CAPRIN1: variants seen among roughly 807,000 people sequenced by gnomAD.
CAPRIN1 encodes the protein cell cycle associated protein 1, also known as caprin-1.
CAPRIN1 carries 29 observed loss-of-function variants against 100.9 expected under a neutral mutation model. That is an observed-to-expected ratio of 0.29 (90% CI 0.21 to 0.39). The LOEUF (loss-of-function observed/expected upper bound fraction) is 0.39, where lower values mean the gene tolerates loss of function less well. CAPRIN1 is among the 10% of genes least tolerant of loss of function. CAPRIN1 has a pLI of 1.00. For synonymous variants in CAPRIN1, 338 were observed against 307.5 expected (o/e 1.10, Z -1.04); for missense variants, 795 against 876.7 (o/e 0.91, Z 1.18).
chr11:34,079,905 G>GCTTTTTTT (rs1850980473), intron 7 of CAPRIN1, 140 bp downstream of exon 7: 8 of 316,642 alleles, frequency 2.5e-5, no homozygotes, highest in African/African-American at 2.3e-4. Flanking sequence ...GCATGACAAA[G>GCTTTTTTT]TTTTTTTTTT....
rs1371223299 is a variant in CAPRIN1 at position 34,089,261 on chromosome 11, ACTCCCCC to A, written c.1232-132_1232-126del. 31 of 6,072 alleles carry A rather than the reference ACTCCCCC, an allele frequency of 5.1e-3. 6 individuals are homozygous for A. The highest frequency in any genetic ancestry group is 0.029 in the African/African-American group (5 of 172). The allele number at this position is 6,072 out of a possible 1,614,324, so 0.4% of individuals were successfully genotyped here. A position where few individuals can be genotyped will look rare whatever the true frequency, so the allele number is the denominator to read the frequency against. ...TCCAGCCTGGGTGACAGAGTGAGAC[ACTCCCCC>A]CCCCCCCCCCCCCGCAAAAAAAAAA... On this transcript the variant is annotated intron_variant, in intron 11 of 18. Coordinates refer to ENST00000341394, the MANE Select transcript of CAPRIN1 (RefSeq NM_005898.5).
intron 13 of CAPRIN1, 99 bp downstream of exon 13, chr11:34,090,388 C>A (rs187214204): frequency 8.0e-7 from 1 of 1,250,548 alleles, no homozygotes; most frequent in Non-Finnish European, 1.2e-6. Flanking sequence ...TCTTTTTGGA[C>A]CTACTTTGCT....
chr11:34,092,087 C>T, intron 15 of CAPRIN1, 31 bp downstream of exon 15: 2 of 1,606,478 alleles, frequency 1.2e-6, no homozygotes, highest in Admixed American at 1.7e-5. Context: ...TCATTGGCTC[C>T]TTGCTTTCCA....
chr11:34,087,587 C>CTA (rs1851173698), intron 11 of CAPRIN1, among the ~76,000 whole-genome samples: 1 of 122,690 alleles, frequency 8.2e-6, no homozygotes, highest in African/African-American at 3.4e-5. Context: ...CCCGCCTCGG[C>CTA]CTCCCAAAGT....
intron 2 of CAPRIN1, among the ~76,000 whole-genome samples, chr11:34,056,032 A>AGTATAAGTG (rs1850442960): frequency 6.6e-6 from 1 of 152,218 alleles, no homozygotes; most frequent in African/African-American, 2.4e-5. Context: ...ACTGTTTTTA[A>AGTATAAGTG]GTATAAGTGA....
chr11:34,090,446 T>A, intron 13 of CAPRIN1, 83 bp from the exon 14 acceptor site: 1 of 1,473,874 alleles, frequency 6.8e-7, no homozygotes, highest in Non-Finnish European at 9.4e-7. Flanking sequence ...TGAGATTAAT[T>A]TACCACTTTA....
intron 7 of CAPRIN1, among the ~76,000 whole-genome samples, 157 bp downstream of exon 7, chr11:34,079,922 T>G (rs889250703): frequency 0.076 from 267 of 3,524 alleles, 1 homozygote; most frequent in African/African-American, 0.13. Context: ...TTTTTTTTTT[T>G]TTTTTTTTTT....
At chr11:34,071,575 A>ATT (rs1850805331) in intron 2 of CAPRIN1, 151 bp from the exon 3 acceptor site, 46 of 576,078 alleles carry the variant, frequency 8.0e-5, no homozygotes, top group Middle Eastern at 9.5e-4. Context: ...AAAAAAAAAA[A>ATT]TTTATGTACT....
At chr11:34,076,736 GT>G (rs369382547) in intron 6 of CAPRIN1, 94 bp downstream of exon 6, 23,090 of 657,710 alleles carry the variant, frequency 0.035, 11 homozygotes, top group Middle Eastern at 0.049. Context: ...AAAAAAATTA[GT>G]TTTTTTTTTT....
intron 2 of CAPRIN1, among the ~76,000 whole-genome samples, chr11:34,061,969 C>CAAAAAA (rs3073356): frequency 8.5e-6 from 1 of 118,252 alleles, no homozygotes; most frequent in Non-Finnish European, 1.7e-5. Context: ...GAGTCTGTCT[C>CAAAAAA]AAAAAAAAAA....
rs1851242739 is a variant in CAPRIN1, at chr11:34,090,559, A to G, written c.1435A>G (p.Thr479Ala). The change falls in exon 14 of 19, where the codon ACA (threonine) becomes GCA (alanine). Residue 479 changes from threonine to alanine, a missense_variant. By Grantham distance (58) the Thr-to-Ala change is moderately conservative. Transcript: ENST00000341394. ...AATCTCTTTAAATACAGACCAGACT[A>G]CAGCATCATCATCCCTTCCTGCTGC... ...ATISLNTDQT[T>A]ASSSLPAASQ... 3 of 1,614,074 alleles carry G rather than the reference A, an allele frequency of 1.9e-6. No individual in the cohort carries two copies.
rs895282252 is a variant in CAPRIN1 at position 34,097,720 on chromosome 11, A to G, written c.2024A>G (p.Lys675Arg). The change falls in exon 18 of 19, where the codon AAG (lysine) becomes AGG (arginine). Residue 675 changes from lysine to arginine, a missense_variant. Physicochemically the swap from Lys to Arg is conservative, Grantham distance 26. Coordinates refer to ENST00000341394, the MANE Select transcript of CAPRIN1 (RefSeq NM_005898.5). ...YQRDGYQQNF[K>R]RGSGQSGPRG... ...TAGGATGGATATCAGCAGAATTTCA[A>G]GCGAGGCTCTGGGCAGAGTGGACCA... 4 of 1,614,022 alleles carry G rather than the reference A, an allele frequency of 2.5e-6. No individual in the cohort carries two copies. The highest frequency in any genetic ancestry group is 3.4e-6 in the Non-Finnish European group (4 of 1,179,988).
rs1162693655 is a variant in CAPRIN1 at position 34,052,364 on chromosome 11, G to A, written c.1-57G>A. The A allele has an allele frequency of 4.2e-6, 6 of 1,424,502 alleles. No homozygotes were observed. The African/African-American group carries it at 7.1e-5, about 17-fold the overall frequency. The allele number at this position is 1,424,502 out of a possible 1,614,324, so 88.2% of individuals were successfully genotyped here. On this transcript the variant is annotated intron_variant, in intron 1 of 18. Transcript: ENST00000341394. Reference sequence around the variant, plus strand: ...CCGCGTCTCGCCCCGTCCGTCTCCTGACTGGCCGCTCTTGTCCTTCCTCCC... The same window carrying A: ...CCGCGTCTCGCCCCGTCCGTCTCCTAACTGGCCGCTCTTGTCCTTCCTCCC...
At chr11:34,082,151 T>C (rs987712538) in intron 7 of CAPRIN1, among the ~76,000 whole-genome samples, 2 of 152,164 alleles carry the variant, frequency 1.3e-5, no homozygotes, top group Admixed American at 6.5e-5. Context: ...TATTACACTT[T>C]ATGGCATCAT....
intron 7 of CAPRIN1, among the ~76,000 whole-genome samples, chr11:34,081,328 GTA>G: frequency 6.6e-6 from 1 of 151,790 alleles, no homozygotes; most frequent in Non-Finnish European, 1.5e-5. Flanking sequence ...AGGCTCCTGA[GTA>G]GTGGGGACTA....
At chr11:34,059,097 G>C (rs551797777) in intron 2 of CAPRIN1, among the ~76,000 whole-genome samples, 1 of 152,118 alleles carries the variant, frequency 6.6e-6, no homozygotes, top group African/African-American at 2.4e-5. Context: ...CAGTGCTTTT[G>C]TTAGATAGAC....
At chr11:34,078,635 A>T (rs1393727354) in intron 6 of CAPRIN1, among the ~76,000 whole-genome samples, 1 of 152,156 alleles carries the variant, frequency 6.6e-6, no homozygotes, top group Non-Finnish European at 1.5e-5. Context: ...AACTTCAAGG[A>T]CATTCATGGT....
At chr11:34,087,419 C>T (rs898674559) in intron 11 of CAPRIN1, among the ~76,000 whole-genome samples, 2 of 120,238 alleles carry the variant, frequency 1.7e-5, no homozygotes, top group African/African-American at 6.8e-5. Flanking sequence ...CTGCAAGCTC[C>T]GCCTCCCGGG....
intron 6 of CAPRIN1, among the ~76,000 whole-genome samples, chr11:34,078,164 C>T (rs77970839): frequency 0.082 from 12,524 of 152,102 alleles, 527 homozygotes; most frequent in Non-Finnish European, 0.092. Flanking sequence ...TGATTTGTAT[C>T]TATAACTTTT....
Sources: gnomAD v4.1 joint callset for allele counts (sites outside exome capture counted in the v4.1 genomes callset) on GRCh38, gnomAD v4.1.1 for gene constraint, MANE v1.5 for transcripts, NCBI Gene and HGNC (gene_info 2026-07-23, HGNC 2026-07-21) for gene names.